Variants in NUP93 observed in about 807,000 individuals in gnomAD.
NUP93 encodes the protein nucleoporin 93.
A neutral mutation model predicts 107.8 loss-of-function variants in NUP93; 55 were observed. The observed-to-expected ratio is 0.51, with a 90% CI of 0.41 to 0.64. NUP93 has a LOEUF of 0.64. Ranked by LOEUF, NUP93 falls within the 30% of genes least tolerant of loss-of-function variation. The probability of loss-of-function intolerance (pLI) is 0.00; values close to 1 mark genes in which losing one functional copy is unlikely to be tolerated. For synonymous variants in NUP93, 390 were observed against 397.5 expected (o/e 0.98, Z 0.22); for missense variants, 937 against 1,044.7 (o/e 0.90, Z 1.42).
At chr16:56,764,363 G>A (rs749286272) in intron 3 of NUP93, among the ~76,000 whole-genome samples, 8 of 152,028 alleles carry the variant, frequency 5.3e-5, no homozygotes, top group South Asian at 2.1e-4. Context: ...GTTGGTGCAC[G>A]CCTGTAATCC....
chr16:56,846,609 C>G lies in NUP93; in HGVS notation c.*2000C>G. The G allele has an allele frequency of 6.6e-6, 1 of 151,960 alleles. No individual in the cohort carries two copies. The highest frequency in any genetic ancestry group is 1.5e-5 in the Non-Finnish European group (1 of 67,994). 9.4% of individuals were successfully genotyped at this position (151,960 alleles called of 1,614,324 possible). ...CCTGTAATCCCAGCTACTCGGGAGGCTGAGGCAGGAGAATCACTTGAACCC... is the reference window on the plus strand; with the variant it reads ...CCTGTAATCCCAGCTACTCGGGAGGGTGAGGCAGGAGAATCACTTGAACCC... On this transcript the variant is annotated 3_prime_UTR_variant, in exon 22 of 22. Transcript: ENST00000308159.
intron 3 of NUP93, among the ~76,000 whole-genome samples, chr16:56,761,864 T>G (rs1962132984): frequency 6.6e-6 from 1 of 152,250 alleles, no homozygotes; most frequent in Non-Finnish European, 1.5e-5. Flanking sequence ...TTGTTTGTCA[T>G]AATCAATAAT....
At chr16:56,786,691 G>T (rs1962635013) in intron 3 of NUP93, among the ~76,000 whole-genome samples, 1 of 152,180 alleles carries the variant, frequency 6.6e-6, no homozygotes, top group Non-Finnish European at 1.5e-5. Context: ...GGCTCGGCAT[G>T]AACGGTGAAG....
chr16:56,746,515 C>G (rs760612392), intron 1 of NUP93, among the ~76,000 whole-genome samples: 2 of 152,204 alleles, frequency 1.3e-5, no homozygotes, highest in African/African-American at 2.4e-5. Flanking sequence ...TTAAAGTCAG[C>G]TTGGAACTTC....
intron 8 of NUP93, among the ~76,000 whole-genome samples, chr16:56,824,983 C>A (rs1411013323): frequency 6.6e-6 from 1 of 152,128 alleles, no homozygotes; most frequent in Non-Finnish European, 1.5e-5. Flanking sequence ...AAAGAACCTA[C>A]ATACATAGTA....
At chr16:56,737,168 A>G (rs927676525) in intron 1 of NUP93, among the ~76,000 whole-genome samples, 3 of 152,206 alleles carry the variant, frequency 2.0e-5, no homozygotes, top group African/African-American at 4.8e-5. Flanking sequence ...TTAAACAGAA[A>G]TTTATTTCCT....
intron 3 of NUP93, among the ~76,000 whole-genome samples, chr16:56,769,307 A>G (rs1411634065): frequency 6.6e-6 from 1 of 152,216 alleles, no homozygotes; most frequent in Non-Finnish European, 1.5e-5. Flanking sequence ...TATCTTTTGA[A>G]TGGATGTGGT....
rs139683100 is a variant in NUP93 at position 56,831,774 on chromosome 16, C to T, written c.1086-68C>T. 8.8e-4 allele frequency: 1,340 copies of T among 1,515,100 alleles called. 2 individuals are homozygous for T. Among genetic ancestry groups the T allele is most frequent in the African/African-American group, 3.2e-3 (234 of 72,694 alleles). The allele number at this position is 1,515,100 out of a possible 1,614,324, so 93.9% of individuals were successfully genotyped here. Reference sequence around the variant, plus strand: ...GCTTTTATGTGTTTGGGACCTGGGACGCTTTCAGATGCCCTTGAGGATTTT... The same window carrying T: ...GCTTTTATGTGTTTGGGACCTGGGATGCTTTCAGATGCCCTTGAGGATTTT... On this transcript the variant is annotated intron_variant, in intron 10 of 21. Transcript: ENST00000308159.
intron 5 of NUP93, 105 bp downstream of exon 5, chr16:56,805,737 C>A: frequency 8.1e-7 from 1 of 1,230,932 alleles, no homozygotes; most frequent in Non-Finnish European, 1.1e-6. Flanking sequence ...CTGTCTTCCC[C>A]TTGAAACACT....
chr16:56,779,521 C>G (rs1420274069), intron 3 of NUP93, among the ~76,000 whole-genome samples: 1 of 152,190 alleles, frequency 6.6e-6, no homozygotes, highest in African/African-American at 2.4e-5. Flanking sequence ...AGTAGAGAAG[C>G]ACCTCCTTTG....
At chr16:56,767,139 C>T (rs1962229824) in intron 3 of NUP93, among the ~76,000 whole-genome samples, 1 of 152,230 alleles carries the variant, frequency 6.6e-6, no homozygotes, top group South Asian at 2.1e-4. Flanking sequence ...CTGCAGCGAT[C>T]ACAAGATCAG....
chr16:56,834,663 T>G, intron 15 of NUP93, 71 bp from the exon 16 acceptor site: 4 of 1,414,888 alleles, frequency 2.8e-6, no homozygotes, highest in Non-Finnish European at 4.0e-6. Context: ...CCCCTCTTTT[T>G]TCTCTGAAGA....
rs1963192887 is a variant in NUP93, at chr16:56,808,153, T to TTTTATATAGTTATATAACTATATAA, written c.489+2521_489+2522insTTTATATAGTTATATAACTATATAA. 6.4e-3 allele frequency among the ~76,000 whole-genome samples: 409 copies of TTTTATATAGTTATATAACTATATAA among 64,074 alleles called. 34 individuals are homozygous for TTTTATATAGTTATATAACTATATAA. The highest frequency in any genetic ancestry group is 0.043 in the Admixed American group (255 of 5,878). The allele number at this position is 64,074 out of a possible 152,430, so 42.0% of individuals were successfully genotyped here. A position where few individuals can be genotyped will look rare whatever the true frequency, so the allele number is the denominator to read the frequency against. ...ATAAATATATTTATATAACTATATA[T>TTTTATATAGTTATATAACTATATAA]AATATATAGTTATATAACTATATAA... On this transcript the variant is annotated intron_variant, in intron 5 of 21. Transcript: ENST00000308159.
At chr16:56,734,312 G>A (rs1351251537) in intron 1 of NUP93, among the ~76,000 whole-genome samples, 2 of 152,228 alleles carry the variant, frequency 1.3e-5, no homozygotes, top group Admixed American at 6.5e-5. Flanking sequence ...GAATATTCCT[G>A]CAGATGCAGA....
At chr16:56,764,999 G>T in intron 3 of NUP93, among the ~76,000 whole-genome samples, 1 of 152,250 alleles carries the variant, frequency 6.6e-6, no homozygotes, top group South Asian at 2.1e-4. Context: ...GTCCTTAAGA[G>T]TTGCATCTGT....
At position 56,808,782 on chromosome 16, in the gene NUP93, A is replaced by G. The variant is rs1249154447; in HGVS notation, c.489+3150A>G. On this transcript the variant is annotated intron_variant, in intron 5 of 21. Transcript: ENST00000308159. The stretch of plus-strand genomic sequence containing the variant: ...TAAAAATACATATATATAAATACAT[A>G]TATAAATATGTATATAAATACATAT... Among the ~76,000 whole-genome samples the G allele has an allele frequency of 4.8e-5, 7 of 145,376 alleles. No individual in the cohort carries two copies. In the Admixed American group the frequency reaches 4.9e-4, roughly 10 times the overall value.
intron 1 of NUP93, among the ~76,000 whole-genome samples, chr16:56,739,585 C>A (rs1961676168): frequency 8.7e-6 from 1 of 115,432 alleles, no homozygotes; most frequent in Non-Finnish European, 1.8e-5. Context: ...CTGACCCCCC[C>A]ACCTCCCTCC....
chr16:56,841,716 C>T lies in NUP93; in HGVS notation c.2232C>T (p.Asn744=), dbSNP rs763757302. The T allele has an allele frequency of 5.0e-6, 8 of 1,614,036 alleles. No homozygotes were observed. The Admixed American group carries it at 1.2e-4, about 24-fold the overall frequency. Residue 744 remains asparagine, a synonymous_variant, in exon 21 of 22, where the codon AAC becomes AAT. Transcript: ENST00000308159. ...FRNFSDEIRH[N]LSEVLLATMN... is the part of the protein sequence containing the mutation. ...TTCTCTCTATGTAGATCAGGCACAA[C>T]CTCTCAGAAGTGCTTCTTGCCACCA...
At chr16:56,839,209 A>ACTT (rs1963971958) in intron 19 of NUP93, 140 bp downstream of exon 19, 4 of 329,390 alleles carry the variant, frequency 1.2e-5, no homozygotes, top group Non-Finnish European at 2.2e-5. Flanking sequence ...CAATCCTGGG[A>ACTT]CTTAAAAGGA....
Sources: allele counts gnomAD v4.1 joint callset (sites outside exome capture counted in the v4.1 genomes callset), GRCh38; gene constraint gnomAD v4.1.1; transcripts MANE v1.5; gene names NCBI Gene and HGNC (gene_info 2026-07-23, HGNC 2026-07-21).